OR1J2: variants seen among roughly 807,000 people sequenced by gnomAD.
The protein encoded by OR1J2 is olfactory receptor 1J2.
For missense variants in OR1J2, 304 were observed against 246.1 expected (o/e 1.24, Z -1.57); for synonymous variants, 142 against 99.7 (o/e 1.42, Z -2.52).
downstream of OR1J2, among the ~76,000 whole-genome samples, chr9:122,516,448 C>G (rs1053257888): frequency 1.9e-4 from 29 of 151,028 alleles, no homozygotes; most frequent in Admixed American, 3.3e-4. Flanking sequence ...GGACTACAGG[C>G]GCCCGCCACT....
chr9:122,506,639 C>T (rs1828526662), upstream of OR1J2, among the ~76,000 whole-genome samples: 1 of 151,932 alleles, frequency 6.6e-6, no homozygotes, highest in African/African-American at 2.4e-5. Flanking sequence ...TTTTCCCTCT[C>T]AGCAATAGAT....
downstream of OR1J2, among the ~76,000 whole-genome samples, chr9:122,512,279 G>A (rs1235508911): frequency 1.3e-5 from 2 of 152,176 alleles, no homozygotes; most frequent in Non-Finnish European, 2.9e-5. Flanking sequence ...ATGAAGGATA[G>A]TCCTGTCTTC....
chr9:122,460,270 A>G, the OR1J2 span, among the ~76,000 whole-genome samples: 2 of 151,698 alleles, frequency 1.3e-5, no homozygotes, highest in Non-Finnish European at 2.9e-5. Context: ...TCCTTGATTC[A>G]TCTTGAGTTG....
the OR1J2 span, among the ~76,000 whole-genome samples, chr9:122,538,163 C>T: frequency 6.6e-6 from 1 of 150,906 alleles, no homozygotes; most frequent in Non-Finnish European, 1.5e-5. Flanking sequence ...AGTCCCCCTG[C>T]CCCTGCCTGG....
chr9:122,574,781 A>G, the OR1J2 span, among the ~76,000 whole-genome samples: 553 of 152,194 alleles, frequency 3.6e-3, 1 homozygote, highest in Non-Finnish European at 6.2e-3. Flanking sequence ...TGTAATGGGA[A>G]AGCTCCTAGT....
chr9:122,479,609 G>C, the OR1J2 span, among the ~76,000 whole-genome samples: 1 of 152,152 alleles, frequency 6.6e-6, no homozygotes, highest in Admixed American at 6.5e-5. Context: ...AATAAATTCA[G>C]ATATTAGCGA....
chr9:122,458,877 A>AT, the OR1J2 span, among the ~76,000 whole-genome samples: 2 of 150,890 alleles, frequency 1.3e-5, no homozygotes, highest in Non-Finnish European at 3.0e-5. Flanking sequence ...AATTACATAT[A>AT]TTTTTTGTCT....
At chr9:122,505,902 T>G (rs2119370581), upstream of OR1J2, among the ~76,000 whole-genome samples, 1 of 152,328 alleles carries the variant, frequency 6.6e-6, no homozygotes, top group Middle Eastern at 3.4e-3. Flanking sequence ...CATTTCTTCC[T>G]TGAAAACTAT....
At chr9:122,544,415 C>CTTTTT in the OR1J2 span, among the ~76,000 whole-genome samples, 106 of 85,296 alleles carry the variant, frequency 1.2e-3, no homozygotes, top group African/African-American at 1.8e-3. Flanking sequence ...CCTCTTTTTT[C>CTTTTT]TTTTTTTTTT....
chr9:122,476,572 G>A, the OR1J2 span, among the ~76,000 whole-genome samples: 1 of 152,048 alleles, frequency 6.6e-6, no homozygotes, highest in African/African-American at 2.4e-5. Context: ...TGACAGCTGT[G>A]GAAGAAAGAC....
At chr9:122,484,945 G>C in the OR1J2 span, among the ~76,000 whole-genome samples, 1 of 152,028 alleles carries the variant, frequency 6.6e-6, no homozygotes, top group Non-Finnish European at 1.5e-5. Flanking sequence ...GAGGTGGGAG[G>C]GTCGCTTGAG....
chr9:122,568,949 TG>T, the OR1J2 span, among the ~76,000 whole-genome samples: 1 of 152,108 alleles, frequency 6.6e-6, no homozygotes, highest in Middle Eastern at 3.4e-3. Context: ...TGGAGGTTGC[TG>T]GGGAGTCAGA....
the OR1J2 span, among the ~76,000 whole-genome samples, chr9:122,454,376 G>A: frequency 6.6e-6 from 1 of 152,086 alleles, no homozygotes; most frequent in African/African-American, 2.4e-5. Flanking sequence ...AAATTAGTCA[G>A]GTGCGGTGGC....
At chr9:122,564,360 A>G in the OR1J2 span, among the ~76,000 whole-genome samples, 1 of 152,216 alleles carries the variant, frequency 6.6e-6, no homozygotes. Flanking sequence ...AGGCATACTT[A>G]GCACCTGGTA....
the OR1J2 span, among the ~76,000 whole-genome samples, chr9:122,463,095 C>T: frequency 6.6e-6 from 1 of 152,112 alleles, no homozygotes; most frequent in African/African-American, 2.4e-5. Context: ...TAACCCCAAA[C>T]TTCTTGGAGG....
chr9:122,485,836 C>T, the OR1J2 span, among the ~76,000 whole-genome samples: 1 of 152,170 alleles, frequency 6.6e-6, no homozygotes, highest in African/African-American at 2.4e-5. Flanking sequence ...ACTATCTTTC[C>T]AGTTTGGCTG....
the OR1J2 span, chr9:122,478,025 T>C: frequency 1.2e-6 from 1 of 800,370 alleles, no homozygotes; most frequent in African/African-American, 1.7e-5. Flanking sequence ...ATAGAGATGT[T>C]CTTTTGACTT....
At chr9:122,562,577 T>A in the OR1J2 span, among the ~76,000 whole-genome samples, 1 of 152,138 alleles carries the variant, frequency 6.6e-6, no homozygotes, top group Non-Finnish European at 1.5e-5. Flanking sequence ...TCCCCTGCCC[T>A]GTGTGGCTCT....
chr9:122,544,212 G>C, the OR1J2 span, among the ~76,000 whole-genome samples: 1 of 151,698 alleles, frequency 6.6e-6, no homozygotes, highest in Admixed American at 6.6e-5. Context: ...TTTAAATGAT[G>C]AGGGAATTAA....
Sources: gnomAD v4.1 joint callset for allele counts (sites outside exome capture counted in the v4.1 genomes callset) on GRCh38, gnomAD v4.1.1 for gene constraint, MANE v1.5 for transcripts, NCBI Gene and HGNC (gene_info 2026-07-23, HGNC 2026-07-21) for gene names.